GRIN2C: variants seen among roughly 807,000 people sequenced by gnomAD.
GRIN2C encodes the protein glutamate ionotropic receptor NMDA type subunit 2C, also known as glutamate receptor ionotropic, NMDA 2C.
In GRIN2C, 64 loss-of-function variants were observed where a neutral mutation model predicts 77.7. The observed-to-expected ratio is 0.82, with a 90% CI of 0.67 to 1.01. The LOEUF is 1.01. Among genes scored for constraint, GRIN2C ranks in the 50% least tolerant of loss-of-function variants. The probability of loss-of-function intolerance (pLI) is 0.00; values close to 1 mark genes in which losing one functional copy is unlikely to be tolerated. For synonymous variants in GRIN2C, 792 were observed against 643.4 expected (o/e 1.23, Z -3.49); for missense variants, 1,549 against 1,486.0 (o/e 1.04, Z -0.70).
At chr17:74,851,955 C>T in intron 3 of GRIN2C, 58 bp downstream of exon 3, 3 of 1,340,132 alleles carry the variant, frequency 2.2e-6, no homozygotes, top group East Asian at 2.6e-5. Context: ...TCACTGCCAG[C>T]CAGCTCCCCC....
intron 3 of GRIN2C, 54 bp downstream of exon 3, chr17:74,851,959 C>T: frequency 7.3e-7 from 1 of 1,363,840 alleles, no homozygotes; most frequent in Non-Finnish European, 9.8e-7. Context: ...TGCCAGCCAG[C>T]TCCCCCGAAG....
chr17:74,844,852 C>G (rs896872440), intron 11 of GRIN2C, among the ~76,000 whole-genome samples: 1 of 152,194 alleles, frequency 6.6e-6, no homozygotes, highest in African/African-American at 2.4e-5. Flanking sequence ...CATCTACATG[C>G]CACTCACGGA....
rs1265998766 is a variant in GRIN2C at position 74,849,376 on chromosome 17, G to A, written c.1645+404C>T. Among the ~76,000 whole-genome samples, 1 of 152,164 alleles carries A rather than the reference G, an allele frequency of 6.6e-6. No homozygotes were observed. The highest frequency in any genetic ancestry group is 1.9e-4 in the East Asian group (1 of 5,182). On this transcript the variant is annotated intron_variant, in intron 7 of 12. Coordinates refer to ENST00000293190, the MANE Select transcript of GRIN2C (RefSeq NM_000835.6). This position sits in a 1 kb window ranked among gnomAD's most constrained non-coding sequence, Gnocchi z 4.6. ...CCAGCACCCAGCATGGGACCTGGCT[G>A]CCCAACCAATGCCGGACTCCTCACC... is the stretch of plus-strand genomic sequence containing the variant.
rs1184768909 is a variant in GRIN2C at position 74,846,025 on chromosome 17, C to A, written c.2350+41G>T. 6.3e-7 allele frequency: 1 copy of A among 1,580,846 alleles called. No homozygotes were observed. The highest frequency in any genetic ancestry group is 8.7e-7 in the Non-Finnish European group (1 of 1,151,196). Reference sequence around the variant, plus strand: ...GTGGAAATGCTGACAACCTTGGGCTCCACAGCCCACCCTGGGCATCCCAGC... The same window carrying A: ...GTGGAAATGCTGACAACCTTGGGCTACACAGCCCACCCTGGGCATCCCAGC... On this transcript the variant is annotated intron_variant, in intron 11 of 12. Transcript: ENST00000293190. The surrounding 1 kb of genome is among the most constrained non-coding windows in gnomAD (Gnocchi z 4.4).
intron 11 of GRIN2C, 52 bp from the exon 12 acceptor site, chr17:74,844,560 C>T (rs753393714): frequency 6.3e-7 from 1 of 1,585,960 alleles, no homozygotes; most frequent in Non-Finnish European, 8.6e-7. Context: ...CTATAAGCAA[C>T]CCCCTCACAA....
In GRIN2C at chr17:74,852,147, C is replaced by T; in HGVS notation, c.864G>A (p.Lys288=). 6.9e-7 allele frequency: 1 copy of T among 1,453,238 alleles called. No homozygotes were observed. The highest frequency in any genetic ancestry group is 1.9e-4 in the Middle Eastern group (1 of 5,282). 90.0% of individuals were successfully genotyped at this position (1,453,238 alleles called of 1,614,324 possible). A position where few individuals can be genotyped will look rare whatever the true frequency, so the allele number is the denominator to read the frequency against. ...CCAGAATGGCCACGCCGTCGCGCAC[C>T]TTCTGGCGCAGGCTGAGGCGCCAGC... ...TESWRLSLRQ[K]VRDGVAILAL... The change falls in exon 3 of 13, where the codon AAG becomes AAA. Residue 288 remains lysine (K), a synonymous_variant. Coordinates refer to ENST00000293190, the MANE Select transcript of GRIN2C (RefSeq NM_000835.6).
upstream of GRIN2C, chr17:74,860,418 A>G (rs1409563874): frequency 2.2e-6 from 1 of 456,696 alleles, no homozygotes; most frequent in South Asian, 1.5e-5. Context: ...GGTGGGCATC[A>G]GGGCCTGGCG....
chr17:74,852,237 C>A lies in GRIN2C; in HGVS notation c.774G>T (p.Ala258=). Residue 258 remains alanine, a synonymous_variant, in exon 3 of 13, where the codon GCG becomes GCT. Transcript: ENST00000293190. The part of the protein sequence containing the change: ...PGHVWLVPNL[A]LGSTDAPPAT... ...CGGGGGGCGCATCGGTGCTGCCCAG[C>A]GCCAGGTTGGGCACCAGCCACACGT... The A allele has an allele frequency of 1.4e-6, 2 of 1,408,674 alleles. No homozygotes were observed. Among genetic ancestry groups the A allele is most frequent in the Non-Finnish European group, 9.2e-7 (1 of 1,085,614 alleles). 87.3% of individuals were successfully genotyped at this position (1,408,674 alleles called of 1,614,324 possible).
At position 74,842,908 on chromosome 17, in the gene GRIN2C, G is replaced by A; in HGVS notation, c.3229C>T (p.Pro1077Ser). 1.8e-6 allele frequency: 1 copy of A among 570,882 alleles called. No homozygotes were observed. 35.4% of individuals were successfully genotyped at this position (570,882 alleles called of 1,614,324 possible). The change falls in exon 13 of 13, where the codon CCG becomes TCG. Residue 1077 changes from proline to serine, a missense_variant. Physicochemically the swap from Pro to Ser is moderately conservative, Grantham distance 74. Coordinates refer to ENST00000293190, the MANE Select transcript of GRIN2C (RefSeq NM_000835.6). ...LHAAWARGSR[P>S]RHASLPSSVA... Reference sequence around the variant, plus strand: ...GAGCTGGGCAGGGAAGCGTGACGCGGGCGCGAGCCCCGGGCCCAGGCCGCG... The same window carrying A: ...GAGCTGGGCAGGGAAGCGTGACGCGAGCGCGAGCCCCGGGCCCAGGCCGCG...
At position 74,848,063 on chromosome 17, in the gene GRIN2C, CG is replaced by C. The variant is rs1334500280; in HGVS notation, c.1646-87del. On this transcript the variant is annotated intron_variant, in intron 7 of 12. Transcript: ENST00000293190. ...CACTGGGTGGAGACAGGTAGGTCCA[CG>C]TGATCAAAGTAGGGGCCCACCAGCT... 3.3e-6 allele frequency: 5 copies of C among 1,493,112 alleles called. No individual in the cohort carries two copies. The Admixed American group carries it at 6.8e-5, about 20-fold the overall frequency. 92.5% of individuals were successfully genotyped at this position (1,493,112 alleles called of 1,614,324 possible).
chr17:74,855,632 T>C (rs1381110690), intron 1 of GRIN2C, among the ~76,000 whole-genome samples: 1 of 152,200 alleles, frequency 6.6e-6, no homozygotes, highest in Non-Finnish European at 1.5e-5. Flanking sequence ...AGTGACCTCA[T>C]CCCGCAGGTG....
At position 74,849,936 on chromosome 17, in the gene GRIN2C, G is replaced by C; in HGVS notation, c.1492-3C>G. 1 of 1,611,452 alleles carries C rather than the reference G, an allele frequency of 6.2e-7. No individual in the cohort carries two copies. The highest frequency in any genetic ancestry group is 8.5e-7 in the Non-Finnish European group (1 of 1,179,196). Reference sequence around the variant, plus strand: ...ATGTCTGCCCGCTTGTAGTACACCTGGGGGCCGGACGCCACGGAGGTTTGA... The same window carrying C: ...ATGTCTGCCCGCTTGTAGTACACCTCGGGGCCGGACGCCACGGAGGTTTGA... On this transcript the variant is annotated splice_polypyrimidine_tract_variant and splice_region_variant and intron_variant, in intron 6 of 12. Transcript: ENST00000293190. This position sits in a 1 kb window ranked among gnomAD's most constrained non-coding sequence, Gnocchi z 4.6.
Position 74,843,492 on chromosome 17 carries a change from G to A in GRIN2C, c.2645C>T (p.Pro882Leu), listed in dbSNP as rs1217273517. ...SLASPPRQAS[P>L]DLTASSAQAS... is the part of the protein sequence containing the mutation. The stretch of plus-strand genomic sequence containing the variant: ...CTGGGCCGAGCTGGCCGTGAGGTCC[G>A]GGCTGGCCTGCCGCGGTGGGCTGGC... Residue 882 changes from proline (P) to leucine (L), a missense_variant, in exon 13 of 13, where the codon CCG (proline) becomes CTG (leucine). By Grantham distance (98) the Pro-to-Leu change is moderately conservative (BLOSUM62 -3). Around this residue, in one of 3 missense-constraint regions of GRIN2C, gnomAD observed 450 missense variants for 267.9 expected, o/e 1.68. Coordinates refer to ENST00000293190, the MANE Select transcript of GRIN2C (RefSeq NM_000835.6). 8 of 1,533,720 alleles carry A rather than the reference G, an allele frequency of 5.2e-6. No homozygotes were observed. Among genetic ancestry groups the A allele is most frequent in the African/African-American group, 1.4e-5 (1 of 72,964 alleles).
At position 74,850,100 on chromosome 17, in the gene GRIN2C, T is replaced by TG. The variant is rs2037587973; in HGVS notation, c.1491+105dup. On this transcript the variant is annotated intron_variant, in intron 6 of 12. Transcript: ENST00000293190. The surrounding 1 kb of genome is among the most constrained non-coding windows in gnomAD (Gnocchi z 5.3). Reference sequence around the variant, plus strand: ...TACTGACCACCCCAGGAGTCATCATTGGTGACAGCCCATGCCCCCCTCTAG... The same window carrying TG: ...TACTGACCACCCCAGGAGTCATCATTGGGTGACAGCCCATGCCCCCCTCTAG... 7.2e-7 allele frequency: 1 copy of TG among 1,393,530 alleles called. No individual in the cohort carries two copies. Among genetic ancestry groups the TG allele is most frequent in the Admixed American group, 1.8e-5 (1 of 56,474 alleles). 86.3% of individuals were successfully genotyped at this position (1,393,530 alleles called of 1,614,324 possible).
At position 74,849,721 on chromosome 17, in the gene GRIN2C, A is replaced by G; in HGVS notation, c.1645+59T>C. On this transcript the variant is annotated intron_variant, in intron 7 of 12. Transcript: ENST00000293190. The surrounding 1 kb of genome is among the most constrained non-coding windows in gnomAD (Gnocchi z 4.6). ...CTCCCCATCCCCACCCAAGCTGTAC[A>G]CACCCTCCTCGTGGGCCCCTCTGCC... 2 of 1,530,628 alleles carry G rather than the reference A, an allele frequency of 1.3e-6. No individual in the cohort carries two copies. The highest frequency in any genetic ancestry group is 2.3e-5 in the East Asian group (1 of 44,292). 94.8% of individuals were successfully genotyped at this position (1,530,628 alleles called of 1,614,324 possible). A position where few individuals can be genotyped will look rare whatever the true frequency, so the allele number is the denominator to read the frequency against.
In GRIN2C at chr17:74,843,315, CCAGACCGCGGGGT is replaced by C; in HGVS notation, c.2809_2821del (p.Thr937AlafsTer270). The C allele has an allele frequency of 1.4e-6, 2 of 1,432,306 alleles. No individual in the cohort carries two copies. Among genetic ancestry groups the C allele is most frequent in the Non-Finnish European group, 1.9e-6 (2 of 1,066,652 alleles). 88.7% of individuals were successfully genotyped at this position (1,432,306 alleles called of 1,614,324 possible). A position where few individuals can be genotyped will look rare whatever the true frequency, so the allele number is the denominator to read the frequency against. On this transcript the variant is annotated frameshift_variant, in exon 13 of 13. Coordinates refer to ENST00000293190, the MANE Select transcript of GRIN2C (RefSeq NM_000835.6). LOFTEE classifies it low-confidence loss of function (END_TRUNC). ...GGGGGTGGGCAGGCATGGGCTGGGGCCAGACCGCGGGGTCGGGCAGGGGGACGGTGGGGGCGCA... is the reference window on the plus strand; with the variant it reads ...GGGGGTGGGCAGGCATGGGCTGGGGCCGGGCAGGGGGACGGTGGGGGCGCA...
chr17:74,846,978 A>C lies in GRIN2C; in HGVS notation c.2002-58T>G. On this transcript the variant is annotated intron_variant, in intron 9 of 12. Coordinates refer to ENST00000293190, the MANE Select transcript of GRIN2C (RefSeq NM_000835.6). This position sits in a 1 kb window ranked among gnomAD's most constrained non-coding sequence, Gnocchi z 4.4. Reference sequence around the variant, plus strand: ...CTTCCTCCAGCCTTCCAGGCACCAAAGCCCCAAACCCACCCCAGAGCCCAG... The same window carrying C: ...CTTCCTCCAGCCTTCCAGGCACCAACGCCCCAAACCCACCCCAGAGCCCAG... 1 of 1,556,692 alleles carries C rather than the reference A, an allele frequency of 6.4e-7. No individual in the cohort carries two copies. Among genetic ancestry groups the C allele is most frequent in the Non-Finnish European group, 8.7e-7 (1 of 1,148,026 alleles).
intron 2 of GRIN2C, chr17:74,852,932 G>C (rs2037710369): frequency 3.4e-6 from 1 of 298,046 alleles, no homozygotes; most frequent in South Asian, 1.5e-4. Context: ...ATGCCGCCTG[G>C]CATCTGTATT....
intron 11 of GRIN2C, 115 bp downstream of exon 11, chr17:74,845,951 C>A: frequency 6.3e-6 from 6 of 955,852 alleles, no homozygotes; most frequent in Non-Finnish European, 9.8e-6. Flanking sequence ...CAACCTCTCA[C>A]CCCCCAGAGA....
Sources: gnomAD v4.1 joint callset for allele counts (sites outside exome capture counted in the v4.1 genomes callset) on GRCh38, gnomAD v4.1.1 for gene constraint, gnomAD v4.1.1 regional missense constraint, Gnocchi (gnomAD v3.1) non-coding constraint, MANE v1.5 for transcripts, NCBI Gene and HGNC (gene_info 2026-07-23, HGNC 2026-07-21) for gene names.